DCAF1: variants seen among roughly 807,000 people sequenced by gnomAD.
DCAF1 encodes DDB1 and CUL4 associated factor 1, also known as DDB1- and CUL4-associated factor 1.
Under a neutral mutation model 128.0 loss-of-function variants are expected in DCAF1, and 15 were observed. That is an observed-to-expected ratio of 0.12 (90% CI 0.08 to 0.18). DCAF1 has a LOEUF of 0.18. Among genes scored for constraint, DCAF1 ranks in the 10% least tolerant of loss-of-function variants. The pLI, the probability that DCAF1 is intolerant of heterozygous loss-of-function variation, is 1.00. For synonymous variants in DCAF1, 610 were observed against 603.0 expected (o/e 1.01, Z -0.17); for missense variants, 988 against 1,649.5 (o/e 0.60, Z 6.95).
chr3:51,426,361 C>A (rs905152215), intron 13 of DCAF1, among the ~76,000 whole-genome samples: 2 of 151,960 alleles, frequency 1.3e-5, no homozygotes, highest in Non-Finnish European at 2.9e-5. Flanking sequence ...AGGTGCGTAA[C>A]ACCACCCCCG....
intron 3 of DCAF1, among the ~76,000 whole-genome samples, chr3:51,472,999 G>A (rs1704939167): frequency 1.3e-5 from 2 of 151,072 alleles, no homozygotes; most frequent in East Asian, 3.9e-4. Context: ...AAAAATGGCT[G>A]GGCACAGTGG....
upstream of DCAF1, among the ~76,000 whole-genome samples, chr3:51,501,672 T>A (rs538147621): frequency 6.6e-6 from 1 of 152,256 alleles, no homozygotes; most frequent in African/African-American, 2.4e-5. Flanking sequence ...TTCTCTTAAA[T>A]GTGTAACTTG....
At chr3:51,456,852 CCTGT>C (rs1267169749) in intron 6 of DCAF1, among the ~76,000 whole-genome samples, 1 of 152,158 alleles carries the variant, frequency 6.6e-6, no homozygotes, top group African/African-American at 2.4e-5. Flanking sequence ...AGCTGAGGGA[CCTGT>C]CTGTTAGAAG....
chr3:51,485,538 T>C (rs1033400808), intron 2 of DCAF1, among the ~76,000 whole-genome samples: 2 of 152,178 alleles, frequency 1.3e-5, no homozygotes, highest in Non-Finnish European at 2.9e-5. Flanking sequence ...AACTTCTTTA[T>C]AAAAGTAGCC....
chr3:51,427,274 T>G (rs760898130), intron 13 of DCAF1, 98 bp downstream of exon 13: 16 of 572,478 alleles, frequency 2.8e-5, no homozygotes, highest in Non-Finnish European at 4.8e-5. Flanking sequence ...TCAATTCAAT[T>G]CAACAAATGT....
At chr3:51,406,975 C>T (rs1329733988) in intron 23 of DCAF1, among the ~76,000 whole-genome samples, 2 of 152,138 alleles carry the variant, frequency 1.3e-5, no homozygotes, top group Non-Finnish European at 2.9e-5. Flanking sequence ...GGGTGGATCA[C>T]CTGAGGTCAG....
intron 1 of DCAF1, among the ~76,000 whole-genome samples, chr3:51,499,398 G>A (rs1390780418): frequency 2.0e-5 from 3 of 152,190 alleles, no homozygotes; most frequent in African/African-American, 7.2e-5. Context: ...GCACGAGGCC[G>A]AGAGACGGGA....
At position 51,476,403 on chromosome 3, in the gene DCAF1, ACTG is replaced by A. The variant is rs576192498; in HGVS notation, c.111-5401_111-5399del. On this transcript the variant is annotated intron_variant, in intron 3 of 24. Coordinates refer to ENST00000684031, the MANE Select transcript of DCAF1 (RefSeq NM_001387579.1). ...GACTCCATCTCAAAACAAACAAAAA[ACTG>A]AGAATAAAAAATAGGAAAAACAGTT... Among the ~76,000 whole-genome samples, 4 of 151,652 alleles carry A rather than the reference ACTG, an allele frequency of 2.6e-5. No individual in the cohort carries two copies. In the East Asian group the frequency reaches 7.8e-4, roughly 30 times the overall value.
At chr3:51,414,191 A>G (rs1039660769) in intron 19 of DCAF1, 148 bp from the exon 20 acceptor site, 3 of 1,118,636 alleles carry the variant, frequency 2.7e-6, no homozygotes, top group Middle Eastern at 4.8e-4. Context: ...ATACATGTAG[A>G]ATGCATATTA....
At chr3:51,438,168 T>C (rs1701029233) in intron 9 of DCAF1, 1 of 363,362 alleles carries the variant, frequency 2.8e-6, no homozygotes, top group South Asian at 2.2e-5. Context: ...AATTAAACTT[T>C]AGCCCAGCAG....
chr3:51,446,754 A>C (rs1701891369), intron 6 of DCAF1, among the ~76,000 whole-genome samples: 1 of 151,968 alleles, frequency 6.6e-6, no homozygotes, highest in Non-Finnish European at 1.5e-5. Flanking sequence ...TGAGGACAGG[A>C]GTTCAAGACC....
intron 21 of DCAF1, 26 bp from the exon 22 acceptor site, chr3:51,413,092 G>A: frequency 6.2e-7 from 1 of 1,613,386 alleles, no homozygotes; most frequent in Non-Finnish European, 8.5e-7. Flanking sequence ...TGAGAAGATT[G>A]GGATTGGACT....
At chr3:51,442,797 G>C (rs948066132) in intron 7 of DCAF1, among the ~76,000 whole-genome samples, 5 of 152,158 alleles carry the variant, frequency 3.3e-5, no homozygotes, top group African/African-American at 1.2e-4. Flanking sequence ...AAGGGCACTT[G>C]GAAGCTGTTA....
chr3:51,438,265 C>T (rs116192940), intron 9 of DCAF1, among the ~76,000 whole-genome samples: 1,708 of 152,210 alleles, frequency 0.011, 8 homozygotes, highest in Non-Finnish European at 0.02. Flanking sequence ...TAAGTGACTA[C>T]TATTTGTTGA....
intron 23 of DCAF1, among the ~76,000 whole-genome samples, chr3:51,407,634 T>A (rs1031494555): frequency 6.6e-6 from 1 of 152,214 alleles, no homozygotes; most frequent in Non-Finnish European, 1.5e-5. Context: ...CAATTACTTA[T>A]CTTGGGTTTT....
intron 23 of DCAF1, among the ~76,000 whole-genome samples, 198 bp downstream of exon 23, chr3:51,412,181 G>A (rs993909641): frequency 1.3e-5 from 2 of 149,484 alleles, no homozygotes; most frequent in South Asian, 2.1e-4. Context: ...TGGAATTCAC[G>A]GGATCATCAG....
intron 23 of DCAF1, among the ~76,000 whole-genome samples, chr3:51,404,748 A>T (rs1425949419): frequency 6.6e-6 from 1 of 152,148 alleles, no homozygotes; most frequent in African/African-American, 2.4e-5. Flanking sequence ...ATTCGGTGGG[A>T]GCATTTGTGT....
At chr3:51,429,236 C>T (rs1407934217) in intron 12 of DCAF1, 25 bp downstream of exon 12, 9 of 745,672 alleles carry the variant, frequency 1.2e-5, no homozygotes, top group Non-Finnish European at 2.3e-5. Flanking sequence ...ACAGAACTTT[C>T]CCTTTCAAGG....
intron 2 of DCAF1, among the ~76,000 whole-genome samples, chr3:51,486,712 C>A (rs1373896152): frequency 5.4e-5 from 8 of 146,972 alleles, no homozygotes; most frequent in Non-Finnish European, 1.2e-4. Context: ...CGGCTCACTG[C>A]GACCTCCATC....
Sources: allele counts gnomAD v4.1 joint callset (sites outside exome capture counted in the v4.1 genomes callset), GRCh38; gene constraint gnomAD v4.1.1; transcripts MANE v1.5; gene names NCBI Gene and HGNC (gene_info 2026-07-23, HGNC 2026-07-21).